The following DCUN1D1 variants were observed in gnomAD, a reference collection of about 807,000 sequenced individuals.
DCUN1D1 encodes DCN1-like protein 1.
In DCUN1D1, 3 loss-of-function variants were observed where a neutral mutation model predicts 39.0. The ratio of observed to expected loss-of-function variants is 0.08; its 90% CI spans 0.04 to 0.20. The LOEUF (loss-of-function observed/expected upper bound fraction) is 0.20, where lower values mean the gene tolerates loss of function less well. DCUN1D1 is among the 10% of genes least tolerant of loss of function. The pLI, the probability that DCUN1D1 is intolerant of heterozygous loss-of-function variation, is 1.00. For missense variants in DCUN1D1, 158 were observed against 302.4 expected, an observed-to-expected ratio of 0.52 and a Z score of 3.54; for synonymous variants, 82 against 96.3, an observed-to-expected ratio of 0.85 and a Z score of 0.87.
chr3:182,956,047 G>T, intron 4 of DCUN1D1: 1 of 154,504 alleles, frequency 6.5e-6, no homozygotes, highest in Admixed American at 6.5e-5. Context: ...TCCTGCCTCA[G>T]CCCCCCGGGT....
intron 4 of DCUN1D1, chr3:182,956,291 C>A: frequency 3.6e-6 from 1 of 276,050 alleles, no homozygotes. Context: ...AGGCACGTTG[C>A]CTTTCTGGGA....
At chr3:182,953,484 A>G (rs1444266028) in intron 4 of DCUN1D1, among the ~76,000 whole-genome samples, 1 of 152,206 alleles carries the variant, frequency 6.6e-6, no homozygotes, top group Non-Finnish European at 1.5e-5. Context: ...CCACCAGTTA[A>G]GTGACCTTGG....
intron 1 of DCUN1D1, among the ~76,000 whole-genome samples, chr3:182,978,541 A>G (rs1428789940): frequency 1.3e-5 from 2 of 151,650 alleles, no homozygotes; most frequent in Non-Finnish European, 2.9e-5. Context: ...ATGCTTGGCT[A>G]TTTTTTTTCC....
chr3:182,947,600 C>T lies in DCUN1D1; in HGVS notation c.553G>A (p.Val185Met), dbSNP rs1726481088. The T allele has an allele frequency of 6.3e-7, 1 of 1,591,014 alleles. No homozygotes were observed. The change falls in exon 5 of 7, where the codon GTG becomes ATG. Residue 185 changes from valine to methionine, a missense_variant. Coordinates refer to ENST00000292782, the MANE Select transcript of DCUN1D1 (RefSeq NM_020640.4). ...LEMAIAYWNL[V>M]LNGRFKFLDL... ...AAGAATTTAAATCTTCCATTAAGCA[C>T]TAAGTTCCAGTAGGCAATGGCCATT...
At chr3:182,984,699 C>A (rs1728671072), upstream of DCUN1D1, among the ~76,000 whole-genome samples, 2 of 152,046 alleles carry the variant, frequency 1.3e-5, no homozygotes, top group African/African-American at 4.8e-5. Flanking sequence ...CTTCTTGCCA[C>A]AAAAGCTTAA....
chr3:182,970,009 T>G (rs910363902), intron 1 of DCUN1D1, among the ~76,000 whole-genome samples: 4 of 152,164 alleles, frequency 2.6e-5, no homozygotes, highest in African/African-American at 9.7e-5. Flanking sequence ...AATCCAGCAC[T>G]TTGGGAGGCG....
Position 182,938,935 on chromosome 3 carries a change from T to C in DCUN1D1, c.*6159A>G, listed in dbSNP as rs2108611746. ...AATAACAGAGCCAAAGCACCAGCCA[T>C]CAGCACCACTCTTCGCTGACACATT... is the stretch of plus-strand genomic sequence containing the variant. On this transcript the variant is annotated 3_prime_UTR_variant, in exon 7 of 7. Coordinates refer to ENST00000292782, the MANE Select transcript of DCUN1D1 (RefSeq NM_020640.4). 6.6e-6 allele frequency: 1 copy of C among 152,628 alleles called. No homozygotes were observed. The highest frequency in any genetic ancestry group is 2.1e-4 in the South Asian group (1 of 4,826). The allele number at this position is 152,628 out of a possible 1,614,324, so 9.5% of individuals were successfully genotyped here.
intron 1 of DCUN1D1, among the ~76,000 whole-genome samples, chr3:182,975,692 A>AC (rs200037572): frequency 0.081 from 12,279 of 150,688 alleles, 1,677 homozygotes; most frequent in African/African-American, 0.28. Context: ...TAAAAAAAAA[A>AC]AAAAACAAAA....
upstream of DCUN1D1, among the ~76,000 whole-genome samples, chr3:182,982,763 C>G (rs541418987): frequency 3.3e-5 from 5 of 152,222 alleles, no homozygotes; most frequent in East Asian, 3.9e-4. Context: ...CTGTCTCAGC[C>G]CCCACCGAGT....
chr3:182,967,732 T>C (rs1162623734), intron 1 of DCUN1D1, among the ~76,000 whole-genome samples: 1 of 152,210 alleles, frequency 6.6e-6, no homozygotes, highest in Non-Finnish European at 1.5e-5. Context: ...ATTCTTCCCT[T>C]TTGAAAACTA....
chr3:182,956,341 G>T, intron 4 of DCUN1D1: 1 of 237,462 alleles, frequency 4.2e-6, no homozygotes, highest in South Asian at 6.5e-5. Context: ...ACTGGGAGCA[G>T]GCAAAAGCCA....
At chr3:182,960,355 C>T (rs979694869) in intron 4 of DCUN1D1, among the ~76,000 whole-genome samples, 3 of 152,208 alleles carry the variant, frequency 2.0e-5, no homozygotes, top group Admixed American at 2.0e-4. Flanking sequence ...TTGTGTCTCA[C>T]CAATTTCATC....
intron 4 of DCUN1D1, among the ~76,000 whole-genome samples, chr3:182,949,185 A>G (rs1357431795): frequency 2.6e-5 from 4 of 151,708 alleles, no homozygotes; most frequent in Admixed American, 2.0e-4. Flanking sequence ...ACATAGCAAA[A>G]CCCTGTCTCT....
chr3:182,949,270 G>A (rs1726581816), intron 4 of DCUN1D1, among the ~76,000 whole-genome samples: 1 of 152,178 alleles, frequency 6.6e-6, no homozygotes, highest in African/African-American at 2.4e-5. Context: ...GGCTGAGACA[G>A]GAGAATTTCT....
At chr3:182,980,380 G>T in intron 1 of DCUN1D1, 107 bp downstream of exon 1, 1 of 855,732 alleles carries the variant, frequency 1.2e-6, no homozygotes, top group Non-Finnish European at 1.4e-6. Flanking sequence ...CGCGGGCCGA[G>T]GCTCGGGGCT....
chr3:182,948,473 A>G (rs562947639), intron 4 of DCUN1D1, among the ~76,000 whole-genome samples: 1 of 152,036 alleles, frequency 6.6e-6, no homozygotes, highest in Non-Finnish European at 1.5e-5. Context: ...CACAACAGAG[A>G]ACTACGCTTA....
intron 4 of DCUN1D1, chr3:182,956,054 G>A (rs879461899): frequency 7.8e-5 from 12 of 153,762 alleles, no homozygotes; most frequent in Non-Finnish European, 1.4e-4. Flanking sequence ...TCAGCCCCCC[G>A]GGTAGCTGGG....
At chr3:182,976,369 T>C (rs1313045938) in intron 1 of DCUN1D1, among the ~76,000 whole-genome samples, 1 of 151,502 alleles carries the variant, frequency 6.6e-6, no homozygotes, top group Admixed American at 6.6e-5. Context: ...CACCCATGCC[T>C]ACCCCCACTC....
chr3:182,968,670 G>C (rs1439001934), intron 1 of DCUN1D1, among the ~76,000 whole-genome samples: 1 of 151,640 alleles, frequency 6.6e-6, no homozygotes, highest in African/African-American at 2.4e-5. Context: ...CACCATCTCA[G>C]CTCACTGCAA....
Sources: gnomAD v4.1 joint callset for allele counts (sites outside exome capture counted in the v4.1 genomes callset) on GRCh38, gnomAD v4.1.1 for gene constraint, MANE v1.5 for transcripts, NCBI Gene and HGNC (gene_info 2026-07-23, HGNC 2026-07-21) for gene names.